Variants in PROSER2 observed in about 807,000 individuals in gnomAD.
The protein encoded by PROSER2 is proline and serine rich 2.
A neutral mutation model predicts 14.6 loss-of-function variants in PROSER2; 18 were observed. The observed-to-expected ratio is 1.23, with a 90% CI of 0.85 to 1.83. PROSER2 has a LOEUF of 1.83. PROSER2 is among the 40% of genes most tolerant of loss of function. The probability of loss-of-function intolerance (pLI) is 0.00; values close to 1 mark genes in which losing one functional copy is unlikely to be tolerated. For synonymous variants in PROSER2, 367 were observed against 286.4 expected (o/e 1.28, Z -2.84); for missense variants, 823 against 629.8 (o/e 1.31, Z -3.28).
intron 1 of PROSER2, among the ~76,000 whole-genome samples, chr10:11,849,355 C>T (rs748865852): frequency 2.6e-5 from 4 of 152,188 alleles, no homozygotes; most frequent in Non-Finnish European, 4.4e-5. Context: ...CTTAAAAACA[C>T]GCACACTCCC....
In PROSER2 at chr10:11,866,597, A is replaced by G. The variant is rs1386337457; in HGVS notation, c.205A>G (p.Ile69Val). 1 of 1,614,200 alleles carries G rather than the reference A, an allele frequency of 6.2e-7. No homozygotes were observed. The highest frequency in any genetic ancestry group is 8.5e-7 in the Non-Finnish European group (1 of 1,180,036). Residue 69 changes from isoleucine to valine, a missense_variant, in exon 3 of 4, where the codon ATT becomes GTT. Physicochemically the swap from Ile to Val is conservative, Grantham distance 29. Transcript: ENST00000277570. This position sits in a 1 kb window ranked among gnomAD's most constrained non-coding sequence, Gnocchi z 6.0. ...KDVLLFFEET[I>V]DSLDEDFEEP... ...TGTGCTCCTGTTTTTTGAAGAGACG[A>G]TTGACTCCCTAGACGAGGACTTTGA...
intron 1 of PROSER2, among the ~76,000 whole-genome samples, chr10:11,833,512 G>A (rs757245913): frequency 1.3e-5 from 2 of 151,924 alleles, no homozygotes; most frequent in Non-Finnish European, 2.9e-5. Context: ...CCAACGTGGT[G>A]AAACCCCATC....
chr10:11,847,524 T>A (rs1223882437), intron 1 of PROSER2, among the ~76,000 whole-genome samples: 1 of 152,208 alleles, frequency 6.6e-6, no homozygotes, highest in Non-Finnish European at 1.5e-5. Flanking sequence ...TTCAAACAAT[T>A]CTCCTGCCTC....
In PROSER2 at chr10:11,823,700, C is replaced by T. The variant is rs1833572306; in HGVS notation, c.-82+230C>T. Among the ~76,000 whole-genome samples, 1 of 152,092 alleles carries T rather than the reference C, an allele frequency of 6.6e-6. No individual in the cohort carries two copies. The highest frequency in any genetic ancestry group is 6.5e-5 in the Admixed American group (1 of 15,280). ...GGGGCGTCGCTGCCTCCTCGGGGAC[C>T]TCGGAGTCGGGGCGCGGCGGGGAGC... On this transcript the variant is annotated intron_variant, in intron 1 of 3. Coordinates refer to ENST00000277570, the MANE Select transcript of PROSER2 (RefSeq NM_153256.4). This position sits in a 1 kb window ranked among gnomAD's most constrained non-coding sequence, Gnocchi z 6.2.
In PROSER2 at chr10:11,856,090, G is replaced by A. The variant is rs1046175822; in HGVS notation, c.138+3875G>A. Among the ~76,000 whole-genome samples the A allele has an allele frequency of 1.3e-5, 2 of 152,220 alleles. No homozygotes were observed. The highest frequency in any genetic ancestry group is 2.9e-5 in the Non-Finnish European group (2 of 68,038). On this transcript the variant is annotated intron_variant, in intron 2 of 3. Coordinates refer to ENST00000277570, the MANE Select transcript of PROSER2 (RefSeq NM_153256.4). The surrounding 1 kb of genome is among the most constrained non-coding windows in gnomAD (Gnocchi z 5.3). ...AAACATAAGAGGGCAGCTTTGATGTGTGTGCAAGGCGGTGCTTCCTGACAA... is the reference window on the plus strand; with the variant it reads ...AAACATAAGAGGGCAGCTTTGATGTATGTGCAAGGCGGTGCTTCCTGACAA...
chr10:11,835,456 A>G (rs146115131), intron 1 of PROSER2, among the ~76,000 whole-genome samples: 280 of 152,292 alleles, frequency 1.8e-3, no homozygotes, highest in African/African-American at 6.4e-3. Flanking sequence ...GTAAAAAGGA[A>G]ATGGTTAATT....
At chr10:11,848,760 C>G (rs1833965323) in intron 1 of PROSER2, among the ~76,000 whole-genome samples, 1 of 152,218 alleles carries the variant, frequency 6.6e-6, no homozygotes, top group Non-Finnish European at 1.5e-5. Flanking sequence ...GTATCTTGTG[C>G]TTGAGCTGAG....
chr10:11,840,643 G>C (rs1833823437), intron 1 of PROSER2, among the ~76,000 whole-genome samples: 1 of 151,826 alleles, frequency 6.6e-6, no homozygotes, highest in South Asian at 2.1e-4. Flanking sequence ...TTAGATAGTG[G>C]GGGCCAGGCG....
rs1380083152 is a variant in PROSER2, at chr10:11,870,875, T to A, written c.*469T>A. ...TAATAAAAAAAAATGCTTGTTTCAT[T>A]TTTTAATGTCTTAATATACTTGCTT... On this transcript the variant is annotated 3_prime_UTR_variant, in exon 4 of 4. Transcript: ENST00000277570. 1 of 166,558 alleles carries A rather than the reference T, an allele frequency of 6.0e-6. No homozygotes were observed. The highest frequency in any genetic ancestry group is 1.9e-4 in the East Asian group (1 of 5,220). The allele number at this position is 166,558 out of a possible 1,614,324, so 10.3% of individuals were successfully genotyped here.
rs1423496347 is a variant in PROSER2 at position 11,836,721 on chromosome 10, C to T, written c.-82+13251C>T. Among the ~76,000 whole-genome samples, 1 of 152,096 alleles carries T rather than the reference C, an allele frequency of 6.6e-6. No homozygotes were observed. Among genetic ancestry groups the T allele is most frequent in the African/African-American group, 2.4e-5 (1 of 41,414 alleles). ...TAGAAGCTCATTTCTACCTCTTTCC[C>T]AGCTCAACTGTGCTTGTCTTGACTG... On this transcript the variant is annotated intron_variant, in intron 1 of 3. Transcript: ENST00000277570. This position sits in a 1 kb window ranked among gnomAD's most constrained non-coding sequence, Gnocchi z 4.6.
chr10:11,833,235 C>CTTTTTTTTTTTTTTTT (rs5783233), intron 1 of PROSER2, among the ~76,000 whole-genome samples: 15 of 87,666 alleles, frequency 1.7e-4, no homozygotes, highest in Admixed American at 3.2e-4. Context: ...AATGTTGTGG[C>CTTTTTTTTTTTTTTTT]TTTTTTTTTT....
rs116941868 is a variant in PROSER2, at chr10:11,870,551, C to T, written c.*145C>T. The T allele has an allele frequency of 7.4e-4, 494 of 670,688 alleles. 5 individuals are homozygous for T. In the East Asian group the frequency reaches 0.015, roughly 21 times the overall value. 41.5% of individuals were successfully genotyped at this position (670,688 alleles called of 1,614,324 possible). A position where few individuals can be genotyped will look rare whatever the true frequency, so the allele number is the denominator to read the frequency against. On this transcript the variant is annotated 3_prime_UTR_variant, in exon 4 of 4. Coordinates refer to ENST00000277570, the MANE Select transcript of PROSER2 (RefSeq NM_153256.4). ...TGTGGCACATCGGAGTCTAGAGGTGCCTGGCTGGGGCCTCCTGGCTGAGCA... is the reference window on the plus strand; with the variant it reads ...TGTGGCACATCGGAGTCTAGAGGTGTCTGGCTGGGGCCTCCTGGCTGAGCA...
At chr10:11,846,519 C>T (rs939734471) in intron 1 of PROSER2, among the ~76,000 whole-genome samples, 5 of 152,094 alleles carry the variant, frequency 3.3e-5, no homozygotes, top group Non-Finnish European at 4.4e-5. Context: ...TGCCATCTGT[C>T]GAGTTTTTTC....
rs1833792954 is a variant in PROSER2, at chr10:11,838,492, T to A, written c.-81-13505T>A. ...CTGTATACCCATCCCGGCACGTGTTTCCACATGTTCCTAGTAGACAGCTCC... is the reference window on the plus strand; with the variant it reads ...CTGTATACCCATCCCGGCACGTGTTACCACATGTTCCTAGTAGACAGCTCC... On this transcript the variant is annotated intron_variant, in intron 1 of 3. Transcript: ENST00000277570. This position sits in a 1 kb window ranked among gnomAD's most constrained non-coding sequence, Gnocchi z 4.4. 6.6e-6 allele frequency among the ~76,000 whole-genome samples: 1 copy of A among 152,238 alleles called. No homozygotes were observed.
At chr10:11,839,898 C>A (rs1023889608) in intron 1 of PROSER2, among the ~76,000 whole-genome samples, 1 of 150,692 alleles carries the variant, frequency 6.6e-6, no homozygotes, top group Non-Finnish European at 1.5e-5. Context: ...TAATATTTTC[C>A]AGTAAGTATG....
In PROSER2 at chr10:11,869,234, A is replaced by C; in HGVS notation, c.392-256A>C. On this transcript the variant is annotated intron_variant, in intron 3 of 3. Transcript: ENST00000277570. The surrounding 1 kb of genome is among the most constrained non-coding windows in gnomAD (Gnocchi z 4.4). ...AGCCTCAGCAGCCCACATGGACGGA[A>C]TGTCTCCTAGGTGTGGACTGTCTGA... 1.8e-6 allele frequency: 1 copy of C among 547,406 alleles called. No homozygotes were observed. The allele number at this position is 547,406 out of a possible 1,614,324, so 33.9% of individuals were successfully genotyped here.
At chr10:11,864,404 T>A (rs1293051953) in intron 2 of PROSER2, among the ~76,000 whole-genome samples, 1 of 152,140 alleles carries the variant, frequency 6.6e-6, no homozygotes, top group Non-Finnish European at 1.5e-5. Flanking sequence ...TTTTTAAATT[T>A]TTTCCACATT....
rs1373343503 is a variant in PROSER2, at chr10:11,865,862, G to A, written c.139-669G>A. 2.0e-5 allele frequency among the ~76,000 whole-genome samples: 3 copies of A among 152,136 alleles called. No homozygotes were observed. The highest frequency in any genetic ancestry group is 2.9e-5 in the Non-Finnish European group (2 of 68,030). On this transcript the variant is annotated intron_variant, in intron 2 of 3. Coordinates refer to ENST00000277570, the MANE Select transcript of PROSER2 (RefSeq NM_153256.4). This position sits in a 1 kb window ranked among gnomAD's most constrained non-coding sequence, Gnocchi z 4.2. ...TTCAAACAGTTCAGCTCTCTTCACC[G>A]TCACCTTGCCCACACTTCCAGAGCC...
intron 1 of PROSER2, among the ~76,000 whole-genome samples, chr10:11,844,584 C>G (rs1333653088): frequency 2.6e-5 from 4 of 152,106 alleles, no homozygotes; most frequent in Non-Finnish European, 5.9e-5. Flanking sequence ...CAGTAATATA[C>G]CTAGAGATCT....
Sources: allele counts gnomAD v4.1 joint callset (sites outside exome capture counted in the v4.1 genomes callset), GRCh38; gene constraint gnomAD v4.1.1; non-coding constraint Gnocchi (gnomAD v3.1); transcripts MANE v1.5; gene names NCBI Gene and HGNC (gene_info 2026-07-23, HGNC 2026-07-21).